DIPK1C: variants seen among roughly 807,000 people sequenced by gnomAD.
DIPK1C encodes the protein divergent protein kinase domain 1C.
In DIPK1C, 33 loss-of-function variants were observed where a neutral mutation model predicts 28.0. That is an observed-to-expected ratio of 1.18 (90% CI 0.89 to 1.58). DIPK1C has a LOEUF of 1.58. DIPK1C is among the 40% of genes most tolerant of loss of function. The pLI, the probability that DIPK1C is intolerant of heterozygous loss-of-function variation, is 0.00. For synonymous variants in DIPK1C, 255 were observed against 248.8 expected, an observed-to-expected ratio of 1.02 and a Z score of -0.23; for missense variants, 569 against 568.5, an observed-to-expected ratio of 1.00 and a Z score of -0.01.
In DIPK1C at chr18:74,447,910, T is replaced by C. The variant is rs1599039440; in HGVS notation, c.199-627A>G. Among the ~76,000 whole-genome samples the C allele has an allele frequency of 6.6e-6, 1 of 152,126 alleles. No homozygotes were observed. Among genetic ancestry groups the C allele is most frequent in the Non-Finnish European group, 1.5e-5 (1 of 68,032 alleles). The stretch of plus-strand genomic sequence containing the variant: ...GAGTGGGCACAGGGCTCATGGCTGG[T>C]GACCTGGAGAAGAGGAGGGACCAAG... On this transcript the variant is annotated intron_variant, in intron 1 of 3. Transcript: ENST00000343998. The surrounding 1 kb of genome is among the most constrained non-coding windows in gnomAD (Gnocchi z 4.1).
rs914185950 is a variant in DIPK1C at position 74,447,495 on chromosome 18, G to A, written c.199-212C>T. Among the ~76,000 whole-genome samples, 1 of 152,200 alleles carries A rather than the reference G, an allele frequency of 6.6e-6. No homozygotes were observed. Among genetic ancestry groups the A allele is most frequent in the African/African-American group, 2.4e-5 (1 of 41,456 alleles). ...AAGGAGCCGCTCACAGTCATTACAC[G>A]ACTCAGTCAGGCCTAGGACGGGTCT... On this transcript the variant is annotated intron_variant, in intron 1 of 3. Coordinates refer to ENST00000343998, the MANE Select transcript of DIPK1C (RefSeq NM_001044369.3). The surrounding 1 kb of genome is among the most constrained non-coding windows in gnomAD (Gnocchi z 4.1).
rs1986284137 is a variant in DIPK1C at position 74,447,024 on chromosome 18, C to G, written c.458G>C (p.Gly153Ala). The G allele has an allele frequency of 6.5e-7, 1 of 1,547,164 alleles. No homozygotes were observed. The highest frequency in any genetic ancestry group is 1.4e-5 in the African/African-American group (1 of 72,996). Residue 153 changes from glycine to alanine, a missense_variant, in exon 2 of 4, where the codon GGG becomes GCG. Coordinates refer to ENST00000343998, the MANE Select transcript of DIPK1C (RefSeq NM_001044369.3). This position sits in a 1 kb window ranked among gnomAD's most constrained non-coding sequence, Gnocchi z 4.1. The part of the protein sequence containing the change: ...PEAELLLMVA[G>A]EVKSALGLEL... ...CAGGCCCAGAGCGCTCTTGACCTCC[C>G]CAGCCACCATCAGGAGGAGTTCGGC...
intron 3 of DIPK1C, among the ~76,000 whole-genome samples, chr18:74,439,014 A>G (rs922300067): frequency 2.0e-5 from 3 of 152,244 alleles, no homozygotes. Flanking sequence ...TTCCTGGTCT[A>G]TAAGAAGAAC....
At position 74,446,857 on chromosome 18, in the gene DIPK1C, C is replaced by T. The variant is rs536902218; in HGVS notation, c.625G>A (p.Val209Met). The T allele has an allele frequency of 6.6e-6, 10 of 1,514,352 alleles. No homozygotes were observed. The highest frequency in any genetic ancestry group is 4.2e-5 in the African/African-American group (3 of 72,226). The allele number at this position is 1,514,352 out of a possible 1,614,324, so 93.8% of individuals were successfully genotyped here. Residue 209 changes from valine to methionine, a missense_variant, in exon 2 of 4, where the codon GTG (valine) becomes ATG (methionine). Physicochemically the swap from Val to Met is conservative, Grantham distance 21. Coordinates refer to ENST00000343998, the MANE Select transcript of DIPK1C (RefSeq NM_001044369.3). Reference sequence around the variant, plus strand: ...CCGCAGGAACCCAGCACGGGCAGCACGTGTGGGCTCAGGTCCTGCAGCAGG... The same window carrying T: ...CCGCAGGAACCCAGCACGGGCAGCATGTGTGGGCTCAGGTCCTGCAGCAGG... The part of the protein sequence containing the change: ...FSLLQDLSPH[V>M]LPVLGSCGHF...
At chr18:74,461,107 T>C (rs915473231), upstream of DIPK1C, among the ~76,000 whole-genome samples, 2 of 152,168 alleles carry the variant, frequency 1.3e-5, no homozygotes, top group African/African-American at 2.4e-5. Context: ...GTGAGAGCCA[T>C]AGCAGAGGAA....
chr18:74,457,433 A>C (rs946520755), upstream of DIPK1C, among the ~76,000 whole-genome samples: 3 of 151,470 alleles, frequency 2.0e-5, no homozygotes, highest in East Asian at 5.9e-4. Flanking sequence ...GGCGTCCAGC[A>C]GCAGCAACAC....
chr18:74,459,614 AG>A (rs763249123), upstream of DIPK1C, among the ~76,000 whole-genome samples: 3 of 152,208 alleles, frequency 2.0e-5, no homozygotes, highest in East Asian at 5.8e-4. Context: ...GGATATAGGC[AG>A]ATATTTAGCA....
At chr18:74,439,741 G>A (rs991981700) in intron 3 of DIPK1C, among the ~76,000 whole-genome samples, 2 of 152,168 alleles carry the variant, frequency 1.3e-5, no homozygotes, top group Non-Finnish European at 2.9e-5. Context: ...GATCACTTGA[G>A]CCCAGGAGTT....
chr18:74,461,342 T>TC (rs1273183528), upstream of DIPK1C, among the ~76,000 whole-genome samples: 16,000 of 129,842 alleles, frequency 0.12, 1,155 homozygotes, highest in East Asian at 0.3. Context: ...CTTCCTTCCT[T>TC]CTTTCCTTCC....
At chr18:74,463,451 C>T in the DIPK1C span, among the ~76,000 whole-genome samples, 1 of 152,144 alleles carries the variant, frequency 6.6e-6, no homozygotes, top group African/African-American at 2.4e-5. Context: ...TAGGAAATTC[C>T]TAACCGTTTT....
chr18:74,458,152 C>A (rs4892217), upstream of DIPK1C, among the ~76,000 whole-genome samples: 40,692 of 152,030 alleles, frequency 0.27, 6,289 homozygotes, highest in African/African-American at 0.4. Context: ...GCATCCCCCA[C>A]CCCACCCAGG....
intron 2 of DIPK1C, 56 bp downstream of exon 2, chr18:74,446,550 T>G (rs1350448050): frequency 7.3e-7 from 1 of 1,372,328 alleles, no homozygotes; most frequent in African/African-American, 1.5e-5. Flanking sequence ...TTTCCTTCCC[T>G]CCAGACCCGA....
Position 74,447,011 on chromosome 18 carries a change from G to C in DIPK1C, c.471C>G (p.Ser157Arg). The C allele has an allele frequency of 6.5e-7, 1 of 1,541,182 alleles. No individual in the cohort carries two copies. The highest frequency in any genetic ancestry group is 8.8e-7 in the Non-Finnish European group (1 of 1,140,550). The change falls in exon 2 of 4, where the codon AGC becomes AGG. Residue 157 changes from serine (S) to arginine (R), a missense_variant. By Grantham distance (110) the Ser-to-Arg change is moderately radical. Transcript: ENST00000343998. The surrounding 1 kb of genome is among the most constrained non-coding windows in gnomAD (Gnocchi z 4.1). The part of the protein sequence containing the change: ...LLLMVAGEVK[S>R]ALGLELSNSS... ...TGTTGGACAACTCCAGGCCCAGAGCGCTCTTGACCTCCCCAGCCACCATCA... is the reference window on the plus strand; with the variant it reads ...TGTTGGACAACTCCAGGCCCAGAGCCCTCTTGACCTCCCCAGCCACCATCA...
chr18:74,436,902 C>T (rs1026998956), intron 3 of DIPK1C, among the ~76,000 whole-genome samples, 183 bp from the exon 4 acceptor site: 1 of 151,744 alleles, frequency 6.6e-6, no homozygotes, highest in South Asian at 2.1e-4. Flanking sequence ...CCCTTAAACC[C>T]TTCAGCACCA....
Position 74,448,967 on chromosome 18 carries a change from G to A in DIPK1C, c.199-1684C>T, listed in dbSNP as rs569879928. 3.6e-4 allele frequency among the ~76,000 whole-genome samples: 54 copies of A among 152,028 alleles called. 1 individual carries two copies. The highest frequency in any genetic ancestry group is 1.2e-3 in the African/African-American group (48 of 41,396). ...CTACTAAAAATACAAAAATTAGCTG[G>A]GCATGGTGGTGCATGCCTGTAGTCC... is the stretch of plus-strand genomic sequence containing the variant. On this transcript the variant is annotated intron_variant, in intron 1 of 3. Coordinates refer to ENST00000343998, the MANE Select transcript of DIPK1C (RefSeq NM_001044369.3).
chr18:74,457,618 TTTAA>T (rs1411235782), upstream of DIPK1C, among the ~76,000 whole-genome samples: 2 of 152,272 alleles, frequency 1.3e-5, no homozygotes, highest in South Asian at 4.1e-4. Flanking sequence ...ACTACATATC[TTTAA>T]TTGTCACATT....
At position 74,447,477 on chromosome 18, in the gene DIPK1C, C is replaced by G. The variant is rs142985288; in HGVS notation, c.199-194G>C. Among the ~76,000 whole-genome samples the G allele has an allele frequency of 6.6e-6, 1 of 152,180 alleles. No homozygotes were observed. The highest frequency in any genetic ancestry group is 2.4e-5 in the African/African-American group (1 of 41,436). The stretch of plus-strand genomic sequence containing the variant: ...TAATTCAGAGGAAGGTTAAAGGAGC[C>G]GCTCACAGTCATTACACGACTCAGT... On this transcript the variant is annotated intron_variant, in intron 1 of 3. Coordinates refer to ENST00000343998, the MANE Select transcript of DIPK1C (RefSeq NM_001044369.3). The surrounding 1 kb of genome is among the most constrained non-coding windows in gnomAD (Gnocchi z 4.1).
At chr18:74,461,610 C>A (rs1986619725), upstream of DIPK1C, among the ~76,000 whole-genome samples, 1 of 152,038 alleles carries the variant, frequency 6.6e-6, no homozygotes, top group Non-Finnish European at 1.5e-5. Flanking sequence ...CTCAAGCAAT[C>A]CTCCTGCCTC....
chr18:74,444,460 G>A (rs779252676), intron 2 of DIPK1C, among the ~76,000 whole-genome samples: 4 of 152,172 alleles, frequency 2.6e-5, no homozygotes, highest in Non-Finnish European at 4.4e-5. Flanking sequence ...CCCACCCGCC[G>A]GGACTCTGAG....
Sources: gnomAD v4.1 joint callset for allele counts (sites outside exome capture counted in the v4.1 genomes callset) on GRCh38, gnomAD v4.1.1 for gene constraint, Gnocchi (gnomAD v3.1) non-coding constraint, MANE v1.5 for transcripts, NCBI Gene and HGNC (gene_info 2026-07-23, HGNC 2026-07-21) for gene names.